LEKR1: variants seen among roughly 807,000 people sequenced by gnomAD.
LEKR1 encodes leucine, glutamate and lysine rich 1, also known as protein LEKR1.
In LEKR1, 59 loss-of-function variants were observed where a neutral mutation model predicts 72.4. The observed-to-expected ratio is 0.82, with a 90% CI of 0.66 to 1.01. The LOEUF is 1.01. LEKR1 is among the 50% of genes least tolerant of loss of function. The probability of loss-of-function intolerance (pLI) is 0.00; values close to 1 mark genes in which losing one functional copy is unlikely to be tolerated. For missense variants in LEKR1, 728 were observed against 759.2 expected (o/e 0.96, Z 0.48); for synonymous variants, 257 against 263.2 (o/e 0.98, Z 0.23).
chr3:156,888,007 A>C (rs927344687), intron 3 of LEKR1, among the ~76,000 whole-genome samples: 1 of 152,194 alleles, frequency 6.6e-6, no homozygotes, highest in Non-Finnish European at 1.5e-5. Flanking sequence ...ATCATTATAG[A>C]GGTAATCTAG....
chr3:156,876,258 G>A lies in LEKR1; in HGVS notation c.263+23276G>A, dbSNP rs149840784. Among the ~76,000 whole-genome samples the A allele has an allele frequency of 9.7e-3, 1,471 of 152,204 alleles. 22 individuals carry two copies. Among genetic ancestry groups the A allele is most frequent in the African/African-American group, 0.034 (1,402 of 41,516 alleles). On this transcript the variant is annotated intron_variant, in intron 3 of 12. Transcript: ENST00000356539. ...GCCTTGTAGTATAGTTTGAAGTTGGGTAATGTGATGTCTTCACATTTTTTC... is the reference window on the plus strand; with the variant it reads ...GCCTTGTAGTATAGTTTGAAGTTGGATAATGTGATGTCTTCACATTTTTTC...
At chr3:156,878,973 C>T (rs1158501531) in intron 3 of LEKR1, among the ~76,000 whole-genome samples, 1 of 151,912 alleles carries the variant, frequency 6.6e-6, no homozygotes, top group African/African-American at 2.4e-5. Context: ...CATTAAACCT[C>T]TTTTTTTTAT....
chr3:157,006,106 C>T (rs1017967930), intron 9 of LEKR1, among the ~76,000 whole-genome samples: 3 of 151,806 alleles, frequency 2.0e-5, no homozygotes, highest in Non-Finnish European at 2.9e-5. Context: ...CCCGGGTTCA[C>T]GCCATTCTCC....
chr3:156,879,353 G>C (rs1055483266), intron 3 of LEKR1, among the ~76,000 whole-genome samples: 2 of 152,164 alleles, frequency 1.3e-5, no homozygotes, highest in African/African-American at 4.8e-5. Flanking sequence ...TCCTGCCCTA[G>C]AGATTTGTAG....
At chr3:156,965,554 C>T (rs1326616180) in intron 6 of LEKR1, among the ~76,000 whole-genome samples, 2 of 152,238 alleles carry the variant, frequency 1.3e-5, no homozygotes, top group African/African-American at 2.4e-5. Context: ...TATTGAATTG[C>T]ATCTTTTTAA....
At chr3:157,019,615 T>TATTGTATAA (rs1341217757) in intron 10 of LEKR1, among the ~76,000 whole-genome samples, 1 of 152,246 alleles carries the variant, frequency 6.6e-6, no homozygotes, top group Non-Finnish European at 1.5e-5. Flanking sequence ...AAATTACTAT[T>TATTGTATAA]AGTTATTGTA....
rs569169870 is a variant in LEKR1 at position 156,973,577 on chromosome 3, G to A, written c.746-5617G>A. On this transcript the variant is annotated intron_variant, in intron 6 of 12. Transcript: ENST00000356539. The stretch of plus-strand genomic sequence containing the variant: ...AGAAAATAACTGGGTCACATGCTGC[G>A]TAATATTTGAATTCGATAAGAACAG... 6.6e-4 allele frequency among the ~76,000 whole-genome samples: 100 copies of A among 152,236 alleles called. No homozygotes were observed. In the South Asian group the frequency reaches 0.016, roughly 24 times the overall value.
At chr3:157,014,370 G>C (rs1399368156) in intron 10 of LEKR1, among the ~76,000 whole-genome samples, 1 of 151,996 alleles carries the variant, frequency 6.6e-6, no homozygotes, top group Non-Finnish European at 1.5e-5. Flanking sequence ...CTTGGCTGAA[G>C]CAACTAGATT....
intron 7 of LEKR1, among the ~76,000 whole-genome samples, chr3:156,985,182 A>T (rs1000096473): frequency 6.6e-6 from 1 of 152,244 alleles, no homozygotes; most frequent in African/African-American, 2.4e-5. Flanking sequence ...AGATTGGCAC[A>T]TTTCCATAGA....
chr3:156,902,804 TA>T (rs1375384910), intron 3 of LEKR1, among the ~76,000 whole-genome samples: 1 of 152,078 alleles, frequency 6.6e-6, no homozygotes, highest in Non-Finnish European at 1.5e-5. Context: ...GCTTATATTA[TA>T]AAAGCTTTCA....
chr3:156,958,149 G>T (rs1727816217), intron 6 of LEKR1, among the ~76,000 whole-genome samples: 1 of 152,038 alleles, frequency 6.6e-6, no homozygotes, highest in Non-Finnish European at 1.5e-5. Flanking sequence ...AAGGGTACCA[G>T]GTTGGTTTTT....
rs149562318 is a variant in LEKR1 at position 156,903,586 on chromosome 3, G to A, written c.264-16989G>A. Among the ~76,000 whole-genome samples, 36 of 152,274 alleles carry A rather than the reference G, an allele frequency of 2.4e-4. 1 individual carries two copies. In the East Asian group the frequency reaches 4.1e-3, roughly 17 times the overall value. ...GGATGATAGGTTTCAAGGAAAAAAT[G>A]AACTCTGGGAAGGGCCTGTGTAGCT... On this transcript the variant is annotated intron_variant, in intron 3 of 12. Transcript: ENST00000356539.
intron 5 of LEKR1, among the ~76,000 whole-genome samples, chr3:156,939,900 C>T (rs993355961): frequency 6.6e-6 from 1 of 152,020 alleles, no homozygotes; most frequent in Non-Finnish European, 1.5e-5. Flanking sequence ...GAAATGTAGT[C>T]CACATTTTTC....
chr3:156,893,054 G>A (rs1357683474), intron 3 of LEKR1, among the ~76,000 whole-genome samples: 1 of 152,134 alleles, frequency 6.6e-6, no homozygotes, highest in African/African-American at 2.4e-5. Flanking sequence ...GTTCTTGAGG[G>A]GCTCTGGAAT....
chr3:156,920,430 A>C, intron 3 of LEKR1, 145 bp from the exon 4 acceptor site: 1 of 521,112 alleles, frequency 1.9e-6, no homozygotes, highest in Non-Finnish European at 3.2e-6. Context: ...GTCTCTCCAT[A>C]TTTTTTCTGT....
intron 7 of LEKR1, among the ~76,000 whole-genome samples, chr3:156,982,524 A>G (rs1203472431): frequency 2.0e-5 from 3 of 152,238 alleles, no homozygotes; most frequent in Non-Finnish European, 2.9e-5. Context: ...GGGCTGCTAC[A>G]ATTACCTTAG....
At chr3:156,940,210 A>G (rs1726079858) in intron 5 of LEKR1, among the ~76,000 whole-genome samples, 1 of 152,172 alleles carries the variant, frequency 6.6e-6, no homozygotes, top group South Asian at 2.1e-4. Flanking sequence ...AATAGAAATG[A>G]ATAAGATACT....
At chr3:156,899,407 TACATATATAC>T (rs1427433970) in intron 3 of LEKR1, among the ~76,000 whole-genome samples, 2 of 83,262 alleles carry the variant, frequency 2.4e-5, no homozygotes, top group East Asian at 3.3e-4. Flanking sequence ...TATACATATA[TACATATATAC>T]ACATATATAC....
chr3:157,015,269 G>A (rs1319373205), intron 10 of LEKR1, among the ~76,000 whole-genome samples: 1 of 152,132 alleles, frequency 6.6e-6, no homozygotes, highest in Admixed American at 6.5e-5. Flanking sequence ...GCACAGGGAA[G>A]AACACTGGCG....
Sources: gnomAD v4.1 joint callset for allele counts (sites outside exome capture counted in the v4.1 genomes callset) on GRCh38, gnomAD v4.1.1 for gene constraint, MANE v1.5 for transcripts, NCBI Gene and HGNC (gene_info 2026-07-23, HGNC 2026-07-21) for gene names.